XRCC6: variants seen among roughly 807,000 people sequenced by gnomAD.
The protein encoded by XRCC6 is X-ray repair cross complementing 6, also known as DNA repair protein Ku70.
Under a neutral mutation model 65.7 loss-of-function variants are expected in XRCC6, and 5 were observed. That is an observed-to-expected ratio of 0.08 (90% CI 0.04 to 0.16). The LOEUF (loss-of-function observed/expected upper bound fraction) is 0.16, where lower values mean the gene tolerates loss of function less well. Among genes scored for constraint, XRCC6 ranks in the 10% least tolerant of loss-of-function variants. XRCC6 has a pLI of 1.00. For missense variants in XRCC6, 447 were observed against 738.1 expected (o/e 0.61, Z 4.57); for synonymous variants, 270 against 270.6 (o/e 1.00, Z 0.02).
At chr22:41,647,749 G>T (rs1402409068) in intron 7 of XRCC6, among the ~76,000 whole-genome samples, 1 of 151,892 alleles carries the variant, frequency 6.6e-6, no homozygotes, top group Non-Finnish European at 1.5e-5. Context: ...GTTTTGTTTT[G>T]TTTAATAGAG....
At chr22:41,658,146 T>C (rs1182973076) in intron 10 of XRCC6, 106 bp from the exon 11 acceptor site, 1 of 1,135,410 alleles carries the variant, frequency 8.8e-7, no homozygotes, top group Non-Finnish European at 1.3e-6. Context: ...CTTGGGGTGT[T>C]TTTCTCAGCT....
chr22:41,628,129 T>C lies in XRCC6; in HGVS notation c.94T>C (p.Tyr32His). The change falls in exon 3 of 13, where the codon TAT (tyrosine) becomes CAT (histidine). Residue 32 changes from tyrosine (Y) to histidine (H), a missense_variant. By Grantham distance (83) the Tyr-to-His change is moderately conservative. Transcript: ENST00000360079. Reference protein sequence around the residue: ...ENLEASGDYKYSGRDSLIFLV... With the variant: ...ENLEASGDYKHSGRDSLIFLV... ...TTTTTTCCCCATAGGAGACTATAAA[T>C]ATTCAGGAAGAGATAGTTTGATTTT... 2 of 1,611,666 alleles carry C rather than the reference T, an allele frequency of 1.2e-6. No individual in the cohort carries two copies. Among genetic ancestry groups the C allele is most frequent in the Non-Finnish European group, 1.7e-6 (2 of 1,178,854 alleles).
At chr22:41,639,329 C>T (rs141969397) in intron 6 of XRCC6, among the ~76,000 whole-genome samples, 104 of 64,556 alleles carry the variant, frequency 1.6e-3, no homozygotes, top group Non-Finnish European at 1.9e-3. Context: ...GATTCTTTTT[C>T]TTTTTTTTTT....
At chr22:41,654,677 C>T (rs992756257) in intron 9 of XRCC6, among the ~76,000 whole-genome samples, 7 of 152,102 alleles carry the variant, frequency 4.6e-5, no homozygotes, top group Non-Finnish European at 7.3e-5. Context: ...TTATTTATCA[C>T]GTGGTAGAGG....
chr22:41,663,882 G>C lies in XRCC6; in HGVS notation c.*67G>C. The C allele has an allele frequency of 6.6e-7, 1 of 1,526,352 alleles. No individual in the cohort carries two copies. Among genetic ancestry groups the C allele is most frequent in the Non-Finnish European group, 8.9e-7 (1 of 1,123,178 alleles). The allele number at this position is 1,526,352 out of a possible 1,614,324, so 94.6% of individuals were successfully genotyped here. A position where few individuals can be genotyped will look rare whatever the true frequency, so the allele number is the denominator to read the frequency against. ...GGCTGCCTGGCCTTGTCCTCAGCCA[G>C]TTAAAATGTGTTTCTCCTGAGCTAG... On this transcript the variant is annotated 3_prime_UTR_variant, in exon 13 of 13. Transcript: ENST00000360079.
intron 7 of XRCC6, among the ~76,000 whole-genome samples, chr22:41,649,139 A>AAAAAAAAAATATATATATATATATAT: frequency 3.4e-5 from 3 of 88,734 alleles, no homozygotes; most frequent in Non-Finnish European, 6.2e-5. Context: ...AAAAAAAAAA[A>AAAAAAAAAATATATATATATATATAT]ATATATATAT....
chr22:41,644,984 G>A (rs1186941238), intron 6 of XRCC6, among the ~76,000 whole-genome samples: 2 of 152,014 alleles, frequency 1.3e-5, no homozygotes, highest in East Asian at 3.9e-4. Flanking sequence ...TCAATAATAA[G>A]GTTCTTGAGT....
At chr22:41,640,699 CCTTTTCCTCT>C (rs1285745070) in intron 6 of XRCC6, among the ~76,000 whole-genome samples, 1 of 152,194 alleles carries the variant, frequency 6.6e-6, no homozygotes, top group African/African-American at 2.4e-5. Context: ...TCATTGTTCT[CCTTTTCCTCT>C]TGGAAACTAT....
At chr22:41,659,755 GCTCACTGAAACCTTTGGCT>G (rs991127731) in intron 11 of XRCC6, among the ~76,000 whole-genome samples, 1 of 152,118 alleles carries the variant, frequency 6.6e-6, no homozygotes, top group African/African-American at 2.4e-5. Context: ...TGGGATCTCG[GCTCACTGAAACCTTTGGCT>G]CCCAGGCTCA....
chr22:41,651,361 A>ATTTTTTTTTTTTTT (rs764795746), intron 8 of XRCC6, among the ~76,000 whole-genome samples: 4 of 49,758 alleles, frequency 8.0e-5, no homozygotes, highest in Non-Finnish European at 1.3e-4. Flanking sequence ...AGTTAAACAG[A>ATTTTTTTTTTTTTT]TTTTTTTTTT....
At chr22:41,646,205 A>G (rs2067930461) in intron 6 of XRCC6, among the ~76,000 whole-genome samples, 1 of 151,922 alleles carries the variant, frequency 6.6e-6, no homozygotes, top group Non-Finnish European at 1.5e-5. Flanking sequence ...TGGGAAGCTG[A>G]GGCAGGAGAA....
intron 7 of XRCC6, 82 bp downstream of exon 7, chr22:41,647,164 A>G (rs932376067): frequency 6.8e-7 from 1 of 1,464,808 alleles, no homozygotes; most frequent in Non-Finnish European, 9.4e-7. Context: ...AGTGGGGCGA[A>G]CATGACTCGC....
intron 2 of XRCC6, among the ~76,000 whole-genome samples, chr22:41,626,775 C>G (rs1435060891): frequency 6.6e-6 from 1 of 151,918 alleles, no homozygotes; most frequent in African/African-American, 2.4e-5. Flanking sequence ...GTAGCTGGGA[C>G]TGCAGGTGTC....
intron 2 of XRCC6, among the ~76,000 whole-genome samples, chr22:41,626,291 C>T (rs1206182775): frequency 2.0e-5 from 3 of 150,478 alleles, no homozygotes; most frequent in Non-Finnish European, 1.5e-5. Context: ...TACAGGCATG[C>T]GCCACTACAC....
chr22:41,641,506 T>C (rs1196794899), intron 6 of XRCC6, among the ~76,000 whole-genome samples: 6 of 152,056 alleles, frequency 3.9e-5, no homozygotes, highest in Non-Finnish European at 7.4e-5. Flanking sequence ...TGTACTGTTA[T>C]TATTGACTAT....
intron 2 of XRCC6, among the ~76,000 whole-genome samples, chr22:41,625,911 T>C (rs141776112): frequency 6.6e-6 from 1 of 152,180 alleles, no homozygotes; most frequent in Admixed American, 6.5e-5. Flanking sequence ...TAATCTCGGC[T>C]CGCTGCAATC....
At chr22:41,647,744 G>C (rs1004205376) in intron 7 of XRCC6, among the ~76,000 whole-genome samples, 2 of 151,944 alleles carry the variant, frequency 1.3e-5, no homozygotes. Context: ...GTTTTGTTTT[G>C]TTTTGTTTAA....
rs545210322 is a variant in XRCC6 at position 41,659,998 on chromosome 22, TA to T, written c.1523-1329del. Among the ~76,000 whole-genome samples, 63 of 152,362 alleles carry T rather than the reference TA, an allele frequency of 4.1e-4. 2 individuals carry two copies. The South Asian group carries it at 0.012, about 30-fold the overall frequency. ...ACTGCACCCAGCTTCTCTGTACTTT[TA>T]AAACTCTACAGATGATTCCCAGATT... On this transcript the variant is annotated intron_variant, in intron 11 of 12. Coordinates refer to ENST00000360079, the MANE Select transcript of XRCC6 (RefSeq NM_001469.5).
At chr22:41,640,309 G>A (rs371075079) in intron 6 of XRCC6, among the ~76,000 whole-genome samples, 24 of 151,932 alleles carry the variant, frequency 1.6e-4, no homozygotes, top group African/African-American at 4.6e-4. Flanking sequence ...CCACCACGCC[G>A]AGCTGATTTT....
Sources: allele counts gnomAD v4.1 joint callset (sites outside exome capture counted in the v4.1 genomes callset), GRCh38; gene constraint gnomAD v4.1.1; transcripts MANE v1.5; gene names NCBI Gene and HGNC (gene_info 2026-07-23, HGNC 2026-07-21).